The following KCNIP4 variants were observed in gnomAD, a reference collection of about 807,000 sequenced individuals.
KCNIP4 encodes the protein Kv channel-interacting protein 4.
A neutral mutation model predicts 34.0 loss-of-function variants in KCNIP4; 12 were observed. That is an observed-to-expected ratio of 0.35 (90% CI 0.23 to 0.57). The LOEUF (loss-of-function observed/expected upper bound fraction) is 0.57, where lower values mean the gene tolerates loss of function less well. Ranked by LOEUF, KCNIP4 falls within the 20% of genes least tolerant of loss-of-function variation. The pLI, the probability that KCNIP4 is intolerant of heterozygous loss-of-function variation, is 0.83. For missense variants in KCNIP4, 238 were observed against 311.7 expected (o/e 0.76, Z 1.78); for synonymous variants, 124 against 102.2 (o/e 1.21, Z -1.29).
Position 20,866,508 on chromosome 4 carries a change from C to G in KCNIP4, c.164-15841G>C, listed in dbSNP as rs1005542422. Among the ~76,000 whole-genome samples, 110 of 152,016 alleles carry G rather than the reference C, an allele frequency of 7.2e-4. 1 individual carries two copies. The highest frequency in any genetic ancestry group is 2.6e-3 in the African/African-American group (107 of 41,508). ...GACTAGGCATCTAAATAACATAGCTCAAAATAATAAGAGACATCTATGACA... is the reference window on the plus strand; with the variant it reads ...GACTAGGCATCTAAATAACATAGCTGAAAATAATAAGAGACATCTATGACA... On this transcript the variant is annotated intron_variant, in intron 2 of 8. Transcript: ENST00000382152.
At chr4:21,157,768 C>T (rs1004275315) in intron 1 of KCNIP4, among the ~76,000 whole-genome samples, 6 of 151,986 alleles carry the variant, frequency 3.9e-5, no homozygotes, top group African/African-American at 1.4e-4. Context: ...TTAACAATAA[C>T]ATTTAATTAG....
At chr4:21,668,235 T>A (rs4697229) in intron 1 of KCNIP4, among the ~76,000 whole-genome samples, 1 of 151,890 alleles carries the variant, frequency 6.6e-6, no homozygotes, top group Non-Finnish European at 1.5e-5. Context: ...ATTGGGCAGT[T>A]GGGGGTGAGG....
chr4:20,878,970 GAGA>G (rs1282257691), intron 2 of KCNIP4, among the ~76,000 whole-genome samples: 1 of 152,172 alleles, frequency 6.6e-6, no homozygotes, highest in African/African-American at 2.4e-5. Flanking sequence ...ATTAAGCAGA[GAGA>G]AGATTCCGAC....
intron 1 of KCNIP4, among the ~76,000 whole-genome samples, chr4:21,125,166 G>T (rs572554502): frequency 1.0e-5 from 1 of 97,950 alleles, no homozygotes; most frequent in African/African-American, 3.5e-5. Context: ...TCAGCAGGAG[G>T]GCTTTTTTTA....
At chr4:21,725,679 A>T (rs979756505) in intron 1 of KCNIP4, among the ~76,000 whole-genome samples, 1 of 152,132 alleles carries the variant, frequency 6.6e-6, no homozygotes, top group Admixed American at 6.6e-5. Flanking sequence ...AGAGGACACC[A>T]AAACAACTTT....
At chr4:21,103,578 T>C (rs984753879) in intron 1 of KCNIP4, among the ~76,000 whole-genome samples, 1 of 150,140 alleles carries the variant, frequency 6.7e-6, no homozygotes, top group African/African-American at 2.5e-5. Context: ...CATTTTTTAC[T>C]TTATTTTATT....
At chr4:21,454,442 A>T (rs146797848) in intron 1 of KCNIP4, among the ~76,000 whole-genome samples, 1 of 152,252 alleles carries the variant, frequency 6.6e-6, no homozygotes, top group African/African-American at 2.4e-5. Context: ...ACATTATTTG[A>T]CAGTGCAATT....
At chr4:21,699,497 G>A (rs150204990) in intron 1 of KCNIP4, among the ~76,000 whole-genome samples, 1 of 152,314 alleles carries the variant, frequency 6.6e-6, no homozygotes, top group Non-Finnish European at 1.5e-5. Context: ...AAGTGAGTAG[G>A]TTGAGAGGTC....
At chr4:21,212,797 C>T (rs191555945) in intron 1 of KCNIP4, among the ~76,000 whole-genome samples, 94 of 152,226 alleles carry the variant, frequency 6.2e-4, no homozygotes, top group African/African-American at 2.2e-3. Context: ...CCCAAAGTCT[C>T]GACTCTTAAT....
At chr4:21,487,941 G>T (rs1352846091) in intron 1 of KCNIP4, among the ~76,000 whole-genome samples, 1 of 151,888 alleles carries the variant, frequency 6.6e-6, no homozygotes, top group South Asian at 2.1e-4. Flanking sequence ...TTCTGCCCTA[G>T]TTCTAGAATC....
intron 1 of KCNIP4, among the ~76,000 whole-genome samples, chr4:21,575,635 C>T (rs570272131): frequency 7.2e-5 from 11 of 152,144 alleles, no homozygotes; most frequent in Non-Finnish European, 1.5e-4. Flanking sequence ...CAAGATTCTA[C>T]ATTCATCTCT....
intron 1 of KCNIP4, among the ~76,000 whole-genome samples, chr4:21,097,447 T>C (rs1315317594): frequency 6.6e-6 from 1 of 152,200 alleles, no homozygotes; most frequent in African/African-American, 2.4e-5. Context: ...CAACCCTGCA[T>C]GGAGCAAGTC....
chr4:20,729,222 T>C lies in KCNIP4; in HGVS notation c.*860A>G, dbSNP rs1467172643. 1 of 152,196 alleles carries C rather than the reference T, an allele frequency of 6.6e-6. No individual in the cohort carries two copies. Among genetic ancestry groups the C allele is most frequent in the African/African-American group, 2.4e-5 (1 of 41,200 alleles). The allele number at this position is 152,196 out of a possible 1,614,324, so 9.4% of individuals were successfully genotyped here. A position where few individuals can be genotyped will look rare whatever the true frequency, so the allele number is the denominator to read the frequency against. ...TGTTAGGATTACTTGTTATTAAGCA[T>C]TACTATATACTGGAGGATAGATATC... is the stretch of plus-strand genomic sequence containing the variant. On this transcript the variant is annotated 3_prime_UTR_variant, in exon 9 of 9. Coordinates refer to ENST00000382152, the MANE Select transcript of KCNIP4 (RefSeq NM_025221.6).
intron 1 of KCNIP4, among the ~76,000 whole-genome samples, chr4:20,974,483 T>C (rs561571955): frequency 1.3e-5 from 2 of 152,234 alleles, no homozygotes; most frequent in Admixed American, 1.3e-4. Context: ...CTAGGAATAA[T>C]ATAAGCCAGG....
At chr4:20,809,287 C>A (rs1715443931) in intron 3 of KCNIP4, among the ~76,000 whole-genome samples, 1 of 152,084 alleles carries the variant, frequency 6.6e-6, no homozygotes, top group South Asian at 2.1e-4. Flanking sequence ...ACATATGTGA[C>A]CTTGTGCCAT....
At chr4:21,733,489 T>C (rs1410109100) in intron 1 of KCNIP4, among the ~76,000 whole-genome samples, 1 of 152,166 alleles carries the variant, frequency 6.6e-6, no homozygotes, top group East Asian at 1.9e-4. Flanking sequence ...GGAGCATATA[T>C]TGGGACACAG....
At chr4:21,491,055 T>A (rs762342779) in intron 1 of KCNIP4, among the ~76,000 whole-genome samples, 92 of 151,972 alleles carry the variant, frequency 6.1e-4, no homozygotes, top group Non-Finnish European at 1.1e-3. Context: ...CTATTTTTTT[T>A]AAATGCATGA....
At chr4:21,123,012 C>A (rs1052960339) in intron 1 of KCNIP4, among the ~76,000 whole-genome samples, 9 of 151,980 alleles carry the variant, frequency 5.9e-5, no homozygotes, top group Non-Finnish European at 1.2e-4. Flanking sequence ...AGATCAAGAC[C>A]ATCCTGGCTA....
chr4:21,524,850 T>C (rs1042579492), intron 1 of KCNIP4, among the ~76,000 whole-genome samples: 1 of 152,134 alleles, frequency 6.6e-6, no homozygotes, highest in East Asian at 1.9e-4. Context: ...AGGAAGTCAA[T>C]AAATATTTGT....
Sources: gnomAD v4.1 joint callset for allele counts (sites outside exome capture counted in the v4.1 genomes callset) on GRCh38, gnomAD v4.1.1 for gene constraint, MANE v1.5 for transcripts, NCBI Gene and HGNC (gene_info 2026-07-23, HGNC 2026-07-21) for gene names.